Variants in PPP6C observed in about 807,000 individuals in gnomAD.
The protein encoded by PPP6C is serine/threonine-protein phosphatase 6 catalytic subunit.
Under a neutral mutation model 39.8 loss-of-function variants are expected in PPP6C, and 11 were observed. The ratio of observed to expected loss-of-function variants is 0.28; its 90% CI spans 0.17 to 0.46. The LOEUF (loss-of-function observed/expected upper bound fraction) is 0.46. PPP6C is among the 20% of genes least tolerant of loss of function. The pLI is 1.00. For synonymous variants in PPP6C, 129 were observed against 130.3 expected (o/e 0.99, Z 0.07); for missense variants, 211 against 373.9 (o/e 0.56, Z 3.59).
At chr9:125,171,458 T>TACACAC (rs1192828575) in intron 1 of PPP6C, among the ~76,000 whole-genome samples, 5 of 32,304 alleles carry the variant, frequency 1.5e-4, no homozygotes, top group Admixed American at 8.2e-4. Flanking sequence ...CACACACACA[T>TACACAC]ATACACACAC....
chr9:125,160,925 A>G lies in PPP6C; in HGVS notation c.172-19T>C. On this transcript the variant is annotated intron_variant, in intron 2 of 6. Coordinates refer to ENST00000373547, the MANE Select transcript of PPP6C (RefSeq NM_002721.5). ...CATAAAACTATAAAAGAAATGCAAT[A>G]CATGCTGATTACAAATTCCTGTTAA... is the stretch of plus-strand genomic sequence containing the variant. The G allele has an allele frequency of 6.5e-7, 1 of 1,536,238 alleles. No individual in the cohort carries two copies. The highest frequency in any genetic ancestry group is 8.8e-7 in the Non-Finnish European group (1 of 1,140,900).
At chr9:125,187,794 T>G (rs929275926) in intron 1 of PPP6C, among the ~76,000 whole-genome samples, 3 of 151,788 alleles carry the variant, frequency 2.0e-5, no homozygotes, top group African/African-American at 7.3e-5. Flanking sequence ...AAAAACCACA[T>G]AGCAGAAAGA....
intron 2 of PPP6C, among the ~76,000 whole-genome samples, chr9:125,168,382 G>A (rs754010291): frequency 6.6e-6 from 1 of 152,150 alleles, no homozygotes; most frequent in Non-Finnish European, 1.5e-5. Flanking sequence ...AAGTCCCAAA[G>A]GATACATTTT....
At chr9:125,182,236 G>A (rs1829434898) in intron 1 of PPP6C, among the ~76,000 whole-genome samples, 6 of 151,974 alleles carry the variant, frequency 3.9e-5, no homozygotes, top group Admixed American at 3.9e-4. Context: ...ACAAACACTG[G>A]GTTCTAAACT....
Position 125,157,696 on chromosome 9 carries a change from G to GC in PPP6C, c.379+544_379+545insG, listed in dbSNP as rs1836114387. On this transcript the variant is annotated intron_variant, in intron 4 of 6. Transcript: ENST00000373547. ...GCCCAGCATTCTCCTTTTTTTTTTGGTTTTTTTTTTTTTGAGACGGAGTCT... is the reference window on the plus strand; with the variant it reads ...GCCCAGCATTCTCCTTTTTTTTTTGGCTTTTTTTTTTTTTGAGACGGAGTCT... Among the ~76,000 whole-genome samples, 36 of 140,036 alleles carry GC rather than the reference G, an allele frequency of 2.6e-4. No homozygotes were observed. The South Asian group carries it at 7.5e-3, about 29-fold the overall frequency. 91.9% of individuals were successfully genotyped at this position (140,036 alleles called of 152,430 possible).
chr9:125,153,684 A>T lies in PPP6C; in HGVS notation c.518T>A (p.Leu173Gln), dbSNP rs1291477907. ...HGGLSPDIKTLDQIRTIERNQ... is the reference protein window; with the variant it reads ...HGGLSPDIKTQDQIRTIERNQ... ...CCGTTCGATGGTTCGAATTTGATCC[A>T]GTGTTTTGATATCAGGAGATAAACC... is the stretch of plus-strand genomic sequence containing the variant. Residue 173 changes from leucine (L) to glutamine (Q), a missense_variant, in exon 6 of 7, where the codon CTG becomes CAG. Physicochemically the swap from Leu to Gln is moderately radical, Grantham distance 113 (BLOSUM62 -2). Coordinates refer to ENST00000373547, the MANE Select transcript of PPP6C (RefSeq NM_002721.5). 1 of 1,614,204 alleles carries T rather than the reference A, an allele frequency of 6.2e-7. No homozygotes were observed. Among genetic ancestry groups the T allele is most frequent in the South Asian group, 1.1e-5 (1 of 91,082 alleles).
At chr9:125,152,690 C>T (rs776245267) in intron 6 of PPP6C, among the ~76,000 whole-genome samples, 5 of 151,754 alleles carry the variant, frequency 3.3e-5, no homozygotes, top group African/African-American at 7.3e-5. Flanking sequence ...ATTAGCCAGG[C>T]GTGGTGGTGT....
chr9:125,163,164 A>T (rs566125506), intron 2 of PPP6C, among the ~76,000 whole-genome samples: 1 of 152,306 alleles, frequency 6.6e-6, no homozygotes, highest in Admixed American at 6.5e-5. Context: ...TTAAATTAAG[A>T]TCTAGCAACT....
rs527353206 is a variant in PPP6C, at chr9:125,149,596, T to C, written c.*77A>G. ...CAGCAGCAAAGTGCTCAATAAAAAG[T>C]ATATTGTAGAGGGTAATACAAGAAA... On this transcript the variant is annotated 3_prime_UTR_variant, in exon 7 of 7. Coordinates refer to ENST00000373547, the MANE Select transcript of PPP6C (RefSeq NM_002721.5). 3 of 1,459,982 alleles carry C rather than the reference T, an allele frequency of 2.1e-6. No homozygotes were observed. The highest frequency in any genetic ancestry group is 2.8e-6 in the Non-Finnish European group (3 of 1,085,810). The allele number at this position is 1,459,982 out of a possible 1,614,324, so 90.4% of individuals were successfully genotyped here. A position where few individuals can be genotyped will look rare whatever the true frequency, so the allele number is the denominator to read the frequency against.
In PPP6C at chr9:125,148,433, A is replaced by T. The variant is rs1469517161; in HGVS notation, c.*1240T>A. The T allele has an allele frequency of 6.6e-6, 1 of 152,232 alleles. No homozygotes were observed. The highest frequency in any genetic ancestry group is 2.4e-5 in the African/African-American group (1 of 41,456). 9.4% of individuals were successfully genotyped at this position (152,232 alleles called of 1,614,324 possible). On this transcript the variant is annotated 3_prime_UTR_variant, in exon 7 of 7. Transcript: ENST00000373547. ...AGTTGCATATTCAGAACTGATCATC[A>T]CAACCCTTTGGATATTCAAATTACT...
chr9:125,188,277 C>A (rs1190464276), intron 1 of PPP6C, among the ~76,000 whole-genome samples: 1 of 151,782 alleles, frequency 6.6e-6, no homozygotes, highest in African/African-American at 2.4e-5. Context: ...CCCAGCTACT[C>A]GGGAGACTGA....
chr9:125,158,085 C>G (rs542264422), intron 4 of PPP6C, among the ~76,000 whole-genome samples, 156 bp downstream of exon 4: 1 of 152,244 alleles, frequency 6.6e-6, no homozygotes, highest in South Asian at 2.1e-4. Flanking sequence ...CAGTGGTCTT[C>G]TCTCGAGCAT....
Position 125,160,825 on chromosome 9 carries a change from A to G in PPP6C, c.237+16T>C, listed in dbSNP as rs767040676. ...CCATTTTAAACAAGCACTTGATATCACTGGTGTTTACATACCATAAATATG... is the reference window on the plus strand; with the variant it reads ...CCATTTTAAACAAGCACTTGATATCGCTGGTGTTTACATACCATAAATATG... On this transcript the variant is annotated intron_variant, in intron 3 of 6. Transcript: ENST00000373547. The G allele has an allele frequency of 2.6e-6, 4 of 1,527,804 alleles. No individual in the cohort carries two copies. The South Asian group carries it at 4.9e-5, about 19-fold the overall frequency. 94.6% of individuals were successfully genotyped at this position (1,527,804 alleles called of 1,614,324 possible).
chr9:125,189,691 C>T lies in PPP6C; in HGVS notation c.28G>A (p.Val10Met). The change falls in exon 1 of 7, where the codon GTG (valine) becomes ATG (methionine). Residue 10 changes from valine (V) to methionine (M), a missense_variant. Physicochemically the swap from Val to Met is conservative, Grantham distance 21 (BLOSUM62 1). Transcript: ENST00000373547. Reference protein sequence around the residue: MAPLDLDKYVEIARLCKYLP... With the variant: MAPLDLDKYMEIARLCKYLP... ...TACTTGCACAGCCGCGCTATTTCCA[C>T]ATACTTGTCCAGGTCTAGCGGCGCC... 1 of 1,610,614 alleles carries T rather than the reference C, an allele frequency of 6.2e-7. No homozygotes were observed. Among genetic ancestry groups the T allele is most frequent in the Non-Finnish European group, 8.5e-7 (1 of 1,178,696 alleles).
chr9:125,151,921 T>G (rs989584332), intron 6 of PPP6C, among the ~76,000 whole-genome samples: 31 of 152,234 alleles, frequency 2.0e-4, no homozygotes, highest in African/African-American at 7.2e-4. Context: ...CAGACTACTC[T>G]GCATGTGAAT....
chr9:125,180,607 G>C lies in PPP6C; in HGVS notation c.75+9037C>G, dbSNP rs915484154. 3.3e-5 allele frequency among the ~76,000 whole-genome samples: 5 copies of C among 152,294 alleles called. No individual in the cohort carries two copies. In the East Asian group the frequency reaches 7.7e-4, roughly 24 times the overall value. On this transcript the variant is annotated intron_variant, in intron 1 of 6. Coordinates refer to ENST00000373547, the MANE Select transcript of PPP6C (RefSeq NM_002721.5). ...GGTTAATTTTTGTATTTTTAGTAGA[G>C]ACAGGGTTTCGCCATGTTGGCCAGG...
At chr9:125,151,098 G>T in intron 6 of PPP6C, 1 of 1,346,326 alleles carries the variant, frequency 7.4e-7, no homozygotes, top group Non-Finnish European at 1.1e-6. Flanking sequence ...CAGGTGTCCT[G>T]AAGTGGATAA....
chr9:125,163,593 G>A (rs1307947365), intron 2 of PPP6C, among the ~76,000 whole-genome samples: 3 of 151,830 alleles, frequency 2.0e-5, no homozygotes, highest in Non-Finnish European at 4.4e-5. Flanking sequence ...AACAGCCCCA[G>A]CTAATTTATG....
At chr9:125,158,158 A>G (rs1485129858) in intron 4 of PPP6C, 83 bp downstream of exon 4, 1 of 1,332,606 alleles carries the variant, frequency 7.5e-7, no homozygotes, top group Admixed American at 2.0e-5. Flanking sequence ...ATATACATAA[A>G]GCATGTGTAT....
Sources: allele counts gnomAD v4.1 joint callset (sites outside exome capture counted in the v4.1 genomes callset), GRCh38; gene constraint gnomAD v4.1.1; transcripts MANE v1.5; gene names NCBI Gene and HGNC (gene_info 2026-07-23, HGNC 2026-07-21).